Variants in ANGPT1 observed in about 807,000 individuals in gnomAD.
The protein encoded by ANGPT1 is angiopoietin 1.
Under a neutral mutation model 62.2 loss-of-function variants are expected in ANGPT1, and 17 were observed. The observed-to-expected ratio is 0.27, with a 90% CI of 0.19 to 0.41. The LOEUF is 0.41. ANGPT1 is among the 10% of genes least tolerant of loss of function. The probability of loss-of-function intolerance (pLI) is 1.00; values close to 1 mark genes in which losing one functional copy is unlikely to be tolerated. For synonymous variants in ANGPT1, 199 were observed against 198.9 expected (o/e 1.00, Z 0.00); for missense variants, 478 against 594.9 (o/e 0.80, Z 2.04).
chr8:107,278,793 G>A (rs1343605146), intron 7 of ANGPT1, among the ~76,000 whole-genome samples: 1 of 152,178 alleles, frequency 6.6e-6, no homozygotes, highest in Non-Finnish European at 1.5e-5. Flanking sequence ...TCATTTAATG[G>A]AACTACAGCA....
At chr8:107,345,946 T>C (rs1815795366) in intron 2 of ANGPT1, among the ~76,000 whole-genome samples, 2 of 152,178 alleles carry the variant, frequency 1.3e-5, no homozygotes, top group African/African-American at 4.8e-5. Context: ...ACCCCAGAGT[T>C]TGAATCCCAG....
intron 1 of ANGPT1, among the ~76,000 whole-genome samples, chr8:107,421,290 C>T (rs1327090211): frequency 6.6e-6 from 1 of 152,058 alleles, no homozygotes; most frequent in African/African-American, 2.4e-5. Context: ...CATCAAATTG[C>T]AATGGAAGTA....
chr8:107,467,627 T>C (rs1428652096), intron 1 of ANGPT1, among the ~76,000 whole-genome samples: 2 of 152,064 alleles, frequency 1.3e-5, no homozygotes, highest in Non-Finnish European at 2.9e-5. Context: ...GACCTGGTTT[T>C]CTGCATTGTT....
chr8:107,283,029 A>G (rs946945909), intron 7 of ANGPT1, among the ~76,000 whole-genome samples: 1 of 151,824 alleles, frequency 6.6e-6, no homozygotes, highest in Non-Finnish European at 1.5e-5. Context: ...ACACACATGC[A>G]GCCACCTATG....
At chr8:107,275,787 C>T (rs772990740) in intron 7 of ANGPT1, among the ~76,000 whole-genome samples, 1 of 152,136 alleles carries the variant, frequency 6.6e-6, no homozygotes, top group African/African-American at 2.4e-5. Context: ...GATCACAGGA[C>T]ATCACCTTAG....
chr8:107,257,860 C>T (rs1813393642), intron 8 of ANGPT1, among the ~76,000 whole-genome samples: 2 of 133,228 alleles, frequency 1.5e-5, no homozygotes, highest in Non-Finnish European at 3.2e-5. Flanking sequence ...CCTCTTCAGG[C>T]CAAGGACTTG....
chr8:107,384,665 A>G (rs998775331), intron 1 of ANGPT1, among the ~76,000 whole-genome samples: 4 of 151,980 alleles, frequency 2.6e-5, no homozygotes, highest in Admixed American at 2.6e-4. Flanking sequence ...AACAGCAAAA[A>G]TGCTTTTGGA....
At chr8:107,482,458 C>T (rs1812714962) in intron 1 of ANGPT1, among the ~76,000 whole-genome samples, 1 of 152,190 alleles carries the variant, frequency 6.6e-6, no homozygotes, top group Non-Finnish European at 1.5e-5. Context: ...ATGCCTTCTC[C>T]ATGTGGCTTG....
intron 7 of ANGPT1, among the ~76,000 whole-genome samples, chr8:107,281,029 T>C (rs1339683892): frequency 2.0e-5 from 3 of 152,198 alleles, no homozygotes; most frequent in Non-Finnish European, 4.4e-5. Context: ...CTTACATTAT[T>C]ATTTTTTCTT....
At chr8:107,329,095 T>G (rs866856900) in intron 3 of ANGPT1, among the ~76,000 whole-genome samples, 1 of 152,096 alleles carries the variant, frequency 6.6e-6, no homozygotes, top group Non-Finnish European at 1.5e-5. Flanking sequence ...TACACATATA[T>G]GCACATATCA....
chr8:107,491,097 C>T (rs1812941868), intron 1 of ANGPT1, among the ~76,000 whole-genome samples: 1 of 151,862 alleles, frequency 6.6e-6, no homozygotes, highest in Admixed American at 6.6e-5. Flanking sequence ...ATAAATAGAG[C>T]CAACTATGCT....
At chr8:107,298,072 T>C (rs918208461) in intron 5 of ANGPT1, among the ~76,000 whole-genome samples, 3 of 151,828 alleles carry the variant, frequency 2.0e-5, no homozygotes, top group African/African-American at 7.3e-5. Context: ...CTTAACTCTA[T>C]CCAAGAAATG....
In ANGPT1 at chr8:107,477,990, C is replaced by T. The variant is rs191648261; in HGVS notation, c.297+19272G>A. On this transcript the variant is annotated intron_variant, in intron 1 of 8. Coordinates refer to ENST00000517746, the MANE Select transcript of ANGPT1 (RefSeq NM_001146.5). ...TAAAGTAAATTGAGAGCTGGTCTTA[C>T]AGGAAGAAAGCTGCTTCGGTAGTAA... Among the ~76,000 whole-genome samples, 48 of 149,290 alleles carry T rather than the reference C, an allele frequency of 3.2e-4. 1 individual carries two copies. In the East Asian group the frequency reaches 7.8e-3, roughly 24 times the overall value.
Position 107,356,818 on chromosome 8 carries a change from C to T in ANGPT1, c.298-9721G>A, listed in dbSNP as rs577466705. On this transcript the variant is annotated intron_variant, in intron 1 of 8. Coordinates refer to ENST00000517746, the MANE Select transcript of ANGPT1 (RefSeq NM_001146.5). Reference sequence around the variant, plus strand: ...CCATTAATGCCATACCACACACATGCGGCAAGGGCACAGCATCAGAGTTTT... The same window carrying T: ...CCATTAATGCCATACCACACACATGTGGCAAGGGCACAGCATCAGAGTTTT... Among the ~76,000 whole-genome samples the T allele has an allele frequency of 2.1e-3, 318 of 152,248 alleles. 1 individual carries two copies. Among genetic ancestry groups the T allele is most frequent in the Non-Finnish European group, 3.1e-3 (213 of 68,018 alleles).
At chr8:107,311,819 C>G (rs925414156) in intron 4 of ANGPT1, among the ~76,000 whole-genome samples, 2 of 152,084 alleles carry the variant, frequency 1.3e-5, no homozygotes, top group East Asian at 3.9e-4. Context: ...AATCCCAGCA[C>G]TCTGGAAGTC....
In ANGPT1 at chr8:107,347,033, T is replaced by C. The variant is rs776179491; in HGVS notation, c.362A>G (p.Gln121Arg). Residue 121 changes from glutamine to arginine, a missense_variant, in exon 2 of 9, where the codon CAG becomes CGG. Gln to Arg is a conservative substitution (Grantham distance 43). This residue lies in a region of ANGPT1 where 343 missense variants were observed against 355.4 expected (regional missense o/e 0.97). Coordinates refer to ENST00000517746, the MANE Select transcript of ANGPT1 (RefSeq NM_001146.5). ...EMAQIQQNAV[Q>R]NHTATMLEIG... ...CTCCAGCATGGTAGCCGTGTGGTTC[T>C]GAACTGCATTCTGCTGTATCTGGGC... 1.2e-6 allele frequency: 2 copies of C among 1,613,972 alleles called. No homozygotes were observed. The highest frequency in any genetic ancestry group is 1.3e-5 in the African/African-American group (1 of 75,028).
Position 107,435,172 on chromosome 8 carries a change from TGTG to T in ANGPT1, c.297+62087_297+62089del, listed in dbSNP as rs540795159. Among the ~76,000 whole-genome samples the T allele has an allele frequency of 3.9e-5, 6 of 152,280 alleles. No individual in the cohort carries two copies. The South Asian group carries it at 1.2e-3, about 32-fold the overall frequency. On this transcript the variant is annotated intron_variant, in intron 1 of 8. Coordinates refer to ENST00000517746, the MANE Select transcript of ANGPT1 (RefSeq NM_001146.5). ...TGACAGAAATGTTCAGAAATTTGAT[TGTG>T]GTGCAAACTGCACTTGTCTGTAAAT...
chr8:107,340,339 A>G (rs1815668169), intron 2 of ANGPT1, among the ~76,000 whole-genome samples: 1 of 152,208 alleles, frequency 6.6e-6, no homozygotes, highest in Non-Finnish European at 1.5e-5. Context: ...TAAGAGAGAC[A>G]TAAAACCTGA....
At chr8:107,271,601 C>G (rs1813736208) in intron 7 of ANGPT1, among the ~76,000 whole-genome samples, 1 of 151,826 alleles carries the variant, frequency 6.6e-6, no homozygotes, top group Non-Finnish European at 1.5e-5. Flanking sequence ...TTTCTCAAAC[C>G]CATGAGGCCC....
Sources: allele counts gnomAD v4.1 joint callset (sites outside exome capture counted in the v4.1 genomes callset), GRCh38; gene constraint gnomAD v4.1.1; regional missense constraint gnomAD v4.1.1; transcripts MANE v1.5; gene names NCBI Gene and HGNC (gene_info 2026-07-23, HGNC 2026-07-21).